The following ETFA variants were observed in gnomAD, a reference collection of about 807,000 sequenced individuals.
ETFA encodes electron transfer flavoprotein subunit alpha, also known as electron transfer flavoprotein subunit alpha, mitochondrial.
A neutral mutation model predicts 46.2 loss-of-function variants in ETFA; 22 were observed. The observed-to-expected ratio is 0.48, with a 90% CI of 0.34 to 0.68. The LOEUF (loss-of-function observed/expected upper bound fraction) is 0.68, where lower values mean the gene tolerates loss of function less well. Ranked by LOEUF, ETFA falls within the 30% of genes least tolerant of loss-of-function variation. The pLI, the probability that ETFA is intolerant of heterozygous loss-of-function variation, is 0.01. For synonymous variants in ETFA, 131 were observed against 139.9 expected, an observed-to-expected ratio of 0.94 and a Z score of 0.45; for missense variants, 345 against 401.1, an observed-to-expected ratio of 0.86 and a Z score of 1.19.
rs994701873 is a variant in ETFA at position 76,260,346 on chromosome 15, C to G, written c.816+14066G>C. 12 of 1,318,820 alleles carry G rather than the reference C, an allele frequency of 9.1e-6. No individual in the cohort carries two copies. The African/African-American group carries it at 1.6e-4, about 17-fold the overall frequency. The allele number at this position is 1,318,820 out of a possible 1,614,324, so 81.7% of individuals were successfully genotyped here. On this transcript the variant is annotated intron_variant, in intron 9 of 11. Transcript: ENST00000557943. ...TTGCCCAAACCACGTCTCTTTCGGTCTCTTTTGAAGCAAGATGAGGGCCAG... is the reference window on the plus strand; with the variant it reads ...TTGCCCAAACCACGTCTCTTTCGGTGTCTTTTGAAGCAAGATGAGGGCCAG...
intron 9 of ETFA, chr15:76,261,175 G>C: frequency 6.5e-7 from 1 of 1,534,494 alleles, no homozygotes; most frequent in South Asian, 1.1e-5. Context: ...CCCGATCTTC[G>C]TAGTTCCTCT....
At chr15:76,260,501 AC>A (rs1461498747) in intron 9 of ETFA, 3 of 1,530,154 alleles carry the variant, frequency 2.0e-6, no homozygotes, top group Non-Finnish European at 2.7e-6. Flanking sequence ...TCCAGGGTCC[AC>A]AGCCAACTGC....
At chr15:76,306,109 TAGA>T (rs902036823) in intron 1 of ETFA, among the ~76,000 whole-genome samples, 8 of 151,854 alleles carry the variant, frequency 5.3e-5, no homozygotes, top group Admixed American at 1.3e-4. Context: ...CCACAGATGG[TAGA>T]AGAAGAAAAA....
At chr15:76,304,955 A>G (rs970627236) in intron 1 of ETFA, among the ~76,000 whole-genome samples, 5 of 151,928 alleles carry the variant, frequency 3.3e-5, no homozygotes, top group Non-Finnish European at 5.9e-5. Flanking sequence ...AGGCAGATGA[A>G]TGGCGTGAAC....
intron 9 of ETFA, among the ~76,000 whole-genome samples, chr15:76,244,629 T>A (rs978230922): frequency 1.3e-5 from 2 of 151,166 alleles, no homozygotes; most frequent in African/African-American, 4.9e-5. Context: ...TTATCATACC[T>A]GAAACTATAT....
intron 2 of ETFA, among the ~76,000 whole-genome samples, chr15:76,294,754 G>T (rs1469189790): frequency 1.3e-5 from 2 of 152,048 alleles, no homozygotes; most frequent in African/African-American, 2.4e-5. Context: ...TCACCATGTT[G>T]CCCAGGCTGG....
At chr15:76,261,850 G>A (rs899898049) in intron 9 of ETFA, among the ~76,000 whole-genome samples, 2 of 152,102 alleles carry the variant, frequency 1.3e-5, no homozygotes, top group African/African-American at 2.4e-5. Flanking sequence ...ATTATAAAGT[G>A]GTAAAATATT....
At chr15:76,273,316 G>A (rs1220942334) in intron 9 of ETFA, among the ~76,000 whole-genome samples, 1 of 152,130 alleles carries the variant, frequency 6.6e-6, no homozygotes, top group Non-Finnish European at 1.5e-5. Flanking sequence ...AGCACTTTGG[G>A]AGGCCGAGGC....
intron 1 of ETFA, among the ~76,000 whole-genome samples, chr15:76,296,140 G>A (rs1420407002): frequency 1.3e-5 from 2 of 151,446 alleles, no homozygotes; most frequent in Non-Finnish European, 2.9e-5. Flanking sequence ...AGTAGAGACG[G>A]GGTTTCACAG....
intron 11 of ETFA, among the ~76,000 whole-genome samples, chr15:76,223,316 C>G (rs370067785): frequency 1.1e-4 from 17 of 150,486 alleles, no homozygotes; most frequent in African/African-American, 3.4e-4. Flanking sequence ...CTCCCAGGCT[C>G]AAGTGATTCT....
intron 4 of ETFA, among the ~76,000 whole-genome samples, chr15:76,291,738 G>A (rs1209098039): frequency 6.6e-6 from 1 of 152,004 alleles, no homozygotes; most frequent in Non-Finnish European, 1.5e-5. Context: ...GCGACAGTGA[G>A]ACTCCATCTC....
chr15:76,290,041 C>A (rs1042059772), intron 4 of ETFA, among the ~76,000 whole-genome samples: 3 of 152,142 alleles, frequency 2.0e-5, no homozygotes, highest in Non-Finnish European at 4.4e-5. Context: ...GATTATTTCA[C>A]CCATCAGACT....
chr15:76,300,388 G>C (rs1184693999), intron 1 of ETFA, among the ~76,000 whole-genome samples: 1 of 152,096 alleles, frequency 6.6e-6, no homozygotes, highest in East Asian at 1.9e-4. Context: ...ACCATGACCA[G>C]AGAATCATGT....
intron 11 of ETFA, among the ~76,000 whole-genome samples, chr15:76,219,620 A>T (rs1018123116): frequency 3.9e-5 from 6 of 152,244 alleles, no homozygotes; most frequent in African/African-American, 1.4e-4. Flanking sequence ...AATTCACACA[A>T]GTCAACAAAA....
chr15:76,261,612 G>A (rs1271681243), intron 9 of ETFA: 4 of 452,680 alleles, frequency 8.8e-6, no homozygotes, highest in East Asian at 8.2e-5. Flanking sequence ...AGAGAAGTCA[G>A]AGCCGCCAGC....
intron 11 of ETFA, among the ~76,000 whole-genome samples, chr15:76,223,203 C>A: frequency 6.8e-6 from 1 of 146,574 alleles, no homozygotes; most frequent in Non-Finnish European, 1.5e-5. Context: ...ACATATATAA[C>A]TGTACTTCAG....
intron 11 of ETFA, among the ~76,000 whole-genome samples, chr15:76,222,503 C>G (rs2038966914): frequency 6.6e-6 from 1 of 152,126 alleles, no homozygotes; most frequent in South Asian, 2.1e-4. Flanking sequence ...CTGATTTCAG[C>G]TGAGAAAACA....
chr15:76,309,451 AAAACAAAC>A (rs373119226), intron 1 of ETFA, among the ~76,000 whole-genome samples: 13 of 152,240 alleles, frequency 8.5e-5, no homozygotes, highest in African/African-American at 2.9e-4. Context: ...ACTCCGTCTC[AAAACAAAC>A]AAACAAACAA....
intron 11 of ETFA, among the ~76,000 whole-genome samples, chr15:76,221,729 G>A (rs1169681205): frequency 6.6e-6 from 1 of 152,166 alleles, no homozygotes; most frequent in Non-Finnish European, 1.5e-5. Flanking sequence ...GATGTCCAGA[G>A]ATTAAATAAC....
Sources: gnomAD v4.1 joint callset for allele counts (sites outside exome capture counted in the v4.1 genomes callset) on GRCh38, gnomAD v4.1.1 for gene constraint, MANE v1.5 for transcripts, NCBI Gene and HGNC (gene_info 2026-07-23, HGNC 2026-07-21) for gene names.